The following CCDC88C variants were observed in gnomAD, a reference collection of about 807,000 sequenced individuals.
The protein encoded by CCDC88C is protein Daple.
A neutral mutation model predicts 198.8 loss-of-function variants in CCDC88C; 131 were observed. The ratio of observed to expected loss-of-function variants is 0.66; its 90% CI spans 0.57 to 0.76. The LOEUF (loss-of-function observed/expected upper bound fraction) is 0.76, where lower values mean the gene tolerates loss of function less well. CCDC88C is among the 30% of genes least tolerant of loss of function. The pLI, the probability that CCDC88C is intolerant of heterozygous loss-of-function variation, is 0.00. For synonymous variants in CCDC88C, 1,166 were observed against 1,114.7 expected (o/e 1.05, Z -0.92); for missense variants, 2,553 against 2,631.6 (o/e 0.97, Z 0.65).
chr14:91,294,199 C>T lies in CCDC88C; in HGVS notation c.4086G>A (p.Gln1362=). Reference sequence around the variant, plus strand: ...TGTACTGCTTCTGCTCCTCATGGTACTGCTCCTTGTTCTCCATGTTCTGCT... The same window carrying T: ...TGTACTGCTTCTGCTCCTCATGGTATTGCTCCTTGTTCTCCATGTTCTGCT... The part of the protein sequence containing the change: ...LLEQNMENKE[Q]YHEEQKQYID... The change falls in exon 23 of 30, where the codon CAG becomes CAA. Residue 1362 remains glutamine (Q), a synonymous_variant. Transcript: ENST00000389857. The T allele has an allele frequency of 1.2e-6, 2 of 1,614,018 alleles. No individual in the cohort carries two copies. The highest frequency in any genetic ancestry group is 1.7e-6 in the Non-Finnish European group (2 of 1,179,870).
intron 3 of CCDC88C, among the ~76,000 whole-genome samples, chr14:91,377,982 G>C (rs1373337468): frequency 6.6e-6 from 1 of 151,828 alleles, no homozygotes; most frequent in Non-Finnish European, 1.5e-5. Flanking sequence ...AGGGGAGACT[G>C]GGGGTTCTTT....
intron 3 of CCDC88C, among the ~76,000 whole-genome samples, chr14:91,359,925 A>G (rs1894229501): frequency 6.6e-6 from 1 of 152,216 alleles, no homozygotes; most frequent in South Asian, 2.1e-4. Flanking sequence ...GTTAGCAAAT[A>G]AAAAGTATGC....
intron 22 of CCDC88C, 66 bp from the exon 23 acceptor site, chr14:91,294,384 G>C: frequency 6.4e-7 from 1 of 1,568,562 alleles, no homozygotes; most frequent in Non-Finnish European, 8.7e-7. Context: ...TGGGAACCTA[G>C]CTCCCAAAGG....
intron 22 of CCDC88C, 59 bp from the exon 23 acceptor site, chr14:91,294,377 G>T: frequency 6.3e-7 from 1 of 1,584,904 alleles, no homozygotes; most frequent in Non-Finnish European, 8.6e-7. Flanking sequence ...CCACTGCTGG[G>T]AACCTAGCTC....
At chr14:91,414,174 T>G (rs528445116) in intron 2 of CCDC88C, among the ~76,000 whole-genome samples, 1 of 152,306 alleles carries the variant, frequency 6.6e-6, no homozygotes, top group East Asian at 1.9e-4. Context: ...AAAAGAACTT[T>G]TAGTTGGTGC....
chr14:91,362,987 T>A (rs1894377900), intron 3 of CCDC88C, among the ~76,000 whole-genome samples: 1 of 151,946 alleles, frequency 6.6e-6, no homozygotes, highest in African/African-American at 2.4e-5. Flanking sequence ...TTCTGAGTTG[T>A]TCCTTTCAAA....
In CCDC88C at chr14:91,309,847, A is replaced by G; in HGVS notation, c.2864+12T>C. On this transcript the variant is annotated intron_variant, in intron 16 of 29. Coordinates refer to ENST00000389857, the MANE Select transcript of CCDC88C (RefSeq NM_001080414.4). Reference sequence around the variant, plus strand: ...TGCTCCCACGATGGGGAGAGGGAGAAGAGGCCCTCACGTGTCACTGCCGCT... The same window carrying G: ...TGCTCCCACGATGGGGAGAGGGAGAGGAGGCCCTCACGTGTCACTGCCGCT... The G allele has an allele frequency of 6.2e-7, 1 of 1,604,336 alleles. No homozygotes were observed. The highest frequency in any genetic ancestry group is 8.5e-7 in the Non-Finnish European group (1 of 1,172,540).
intron 4 of CCDC88C, among the ~76,000 whole-genome samples, chr14:91,345,331 T>C (rs148296386): frequency 0.011 from 1,650 of 151,428 alleles, 30 homozygotes; most frequent in African/African-American, 0.037. Context: ...GAGCTGGGAT[T>C]ACAGGCGCTC....
In CCDC88C at chr14:91,289,336, G is replaced by C; in HGVS notation, c.4210C>G (p.His1404Asp). The change falls in exon 25 of 30, where the codon CAC (histidine) becomes GAC (aspartate). Residue 1404 changes from histidine to aspartate, a missense_variant. Physicochemically the swap from His to Asp is moderately conservative, Grantham distance 81. Coordinates refer to ENST00000389857, the MANE Select transcript of CCDC88C (RefSeq NM_001080414.4). The stretch of plus-strand genomic sequence containing the variant: ...ACTAAGGCTTTGGCTCCAATCCAGT[G>C]GTTCTTCCTGGTTAGAAGTAGATGT... ...FYDPPPKKKN[H>D]WIGAKALVKL... 2 of 1,613,724 alleles carry C rather than the reference G, an allele frequency of 1.2e-6. No homozygotes were observed. Among genetic ancestry groups the C allele is most frequent in the Non-Finnish European group, 1.7e-6 (2 of 1,179,640 alleles).
intron 4 of CCDC88C, among the ~76,000 whole-genome samples, chr14:91,345,707 T>C (rs1178230508): frequency 1.3e-5 from 2 of 152,168 alleles, no homozygotes; most frequent in Non-Finnish European, 2.9e-5. Flanking sequence ...AAATCCTGTT[T>C]CGTCATTCTG....
chr14:91,416,400 T>C (rs895120277), intron 2 of CCDC88C, among the ~76,000 whole-genome samples: 2 of 152,162 alleles, frequency 1.3e-5, no homozygotes, highest in Non-Finnish European at 2.9e-5. Context: ...TCCGTTACAG[T>C]TCCTTGCCCT....
intron 14 of CCDC88C, among the ~76,000 whole-genome samples, chr14:91,314,826 T>G (rs912241798): frequency 1.3e-5 from 2 of 152,104 alleles, no homozygotes; most frequent in Non-Finnish European, 2.9e-5. Context: ...ATTCCTCTAC[T>G]ACAGATGCCA....
At chr14:91,290,531 G>A (rs1890615678) in intron 24 of CCDC88C, among the ~76,000 whole-genome samples, 1 of 152,212 alleles carries the variant, frequency 6.6e-6, no homozygotes, top group Non-Finnish European at 1.5e-5. Context: ...TGTCCATGAA[G>A]CCACCCTGAG....
At chr14:91,276,538 T>C (rs1889973499) in intron 29 of CCDC88C, among the ~76,000 whole-genome samples, 1 of 152,276 alleles carries the variant, frequency 6.6e-6, no homozygotes, top group Non-Finnish European at 1.5e-5. Context: ...GCAGGCACCA[T>C]GCATACTGCT....
At chr14:91,387,120 T>G (rs1045249422) in intron 3 of CCDC88C, among the ~76,000 whole-genome samples, 1 of 152,258 alleles carries the variant, frequency 6.6e-6, no homozygotes. Flanking sequence ...TTGGCGCAAC[T>G]GTCCACATCC....
At chr14:91,408,973 C>T (rs917560604) in intron 2 of CCDC88C, among the ~76,000 whole-genome samples, 24 of 152,114 alleles carry the variant, frequency 1.6e-4, no homozygotes, top group Non-Finnish European at 3.2e-4. Context: ...CTCCCTGACC[C>T]GAGCACCTGG....
At chr14:91,405,637 A>G (rs999762952) in intron 3 of CCDC88C, among the ~76,000 whole-genome samples, 1 of 152,250 alleles carries the variant, frequency 6.6e-6, no homozygotes. Context: ...GAAAGGAAAT[A>G]CTACAAACGT....
Position 91,339,244 on chromosome 14 carries a change from C to T in CCDC88C, c.809+34G>A. The T allele has an allele frequency of 1.2e-6, 2 of 1,609,508 alleles. No individual in the cohort carries two copies. Among genetic ancestry groups the T allele is most frequent in the Non-Finnish European group, 1.7e-6 (2 of 1,178,616 alleles). ...CCACACCAGAAACATGTCTGCAACACACACAAAGGTAGGAGAAGCAGCCGG... is the reference window on the plus strand; with the variant it reads ...CCACACCAGAAACATGTCTGCAACATACACAAAGGTAGGAGAAGCAGCCGG... On this transcript the variant is annotated intron_variant, in intron 8 of 29. Coordinates refer to ENST00000389857, the MANE Select transcript of CCDC88C (RefSeq NM_001080414.4). The surrounding 1 kb of genome is among the most constrained non-coding windows in gnomAD (Gnocchi z 5.8).
At chr14:91,334,677 T>A (rs938807027) in intron 10 of CCDC88C, among the ~76,000 whole-genome samples, 2 of 152,222 alleles carry the variant, frequency 1.3e-5, no homozygotes, top group African/African-American at 4.8e-5. Flanking sequence ...CATATAAACC[T>A]GGGCACACAC....
Sources: gnomAD v4.1 joint callset for allele counts (sites outside exome capture counted in the v4.1 genomes callset) on GRCh38, gnomAD v4.1.1 for gene constraint, Gnocchi (gnomAD v3.1) non-coding constraint, MANE v1.5 for transcripts, NCBI Gene and HGNC (gene_info 2026-07-23, HGNC 2026-07-21) for gene names.